TDRD7: variants seen among roughly 807,000 people sequenced by gnomAD.
TDRD7 encodes the protein tudor domain containing 7.
A neutral mutation model predicts 109.8 loss-of-function variants in TDRD7; 47 were observed. That is an observed-to-expected ratio of 0.43 (90% CI 0.34 to 0.55). The LOEUF (loss-of-function observed/expected upper bound fraction) is 0.55. Ranked by LOEUF, TDRD7 falls within the 20% of genes least tolerant of loss-of-function variation. The pLI, the probability that TDRD7 is intolerant of heterozygous loss-of-function variation, is 0.03. For missense variants in TDRD7, 1,164 were observed against 1,319.2 expected (o/e 0.88, Z 1.82); for synonymous variants, 424 against 457.3 (o/e 0.93, Z 0.93).
rs1035127712 is a variant in TDRD7 at position 97,412,398 on chromosome 9, C to T, written c.-7+160C>T. Among the ~76,000 whole-genome samples, 1 of 152,160 alleles carries T rather than the reference C, an allele frequency of 6.6e-6. No homozygotes were observed. Among genetic ancestry groups the T allele is most frequent in the Non-Finnish European group, 1.5e-5 (1 of 68,008 alleles). On this transcript the variant is annotated intron_variant, in intron 1 of 16. Transcript: ENST00000355295. This position sits in a 1 kb window ranked among gnomAD's most constrained non-coding sequence, Gnocchi z 4.3. The stretch of plus-strand genomic sequence containing the variant: ...TTTTCCCTGCAGCCGCAGGGGATTG[C>T]CCCCGCCCCGACGCCTGGGAACCGG...
chr9:97,460,151 G>C lies in TDRD7; in HGVS notation c.856-27G>C, dbSNP rs771686026. 2.5e-6 allele frequency: 4 copies of C among 1,593,994 alleles called. No individual in the cohort carries two copies. In the South Asian group the frequency reaches 4.4e-5, roughly 18 times the overall value. On this transcript the variant is annotated intron_variant, in intron 6 of 16. Coordinates refer to ENST00000355295, the MANE Select transcript of TDRD7 (RefSeq NM_014290.3). ...GTTGTTTATAGTCACTGAAATATCT[G>C]TCATTTGCTTTATTTAAAAATTTCA...
chr9:97,459,423 G>A (rs375334042), intron 6 of TDRD7, among the ~76,000 whole-genome samples: 1 of 152,220 alleles, frequency 6.6e-6, no homozygotes, highest in East Asian at 1.9e-4. Context: ...CCATGCTCTA[G>A]TAGTAGAGCT....
At chr9:97,465,254 C>G (rs1828802977) in intron 8 of TDRD7, among the ~76,000 whole-genome samples, 1 of 152,170 alleles carries the variant, frequency 6.6e-6, no homozygotes, top group Admixed American at 6.5e-5. Flanking sequence ...AATAAATTCC[C>G]CATGGGAGTA....
rs1325088085 is a variant in TDRD7, at chr9:97,460,297, A to C, written c.975A>C (p.Lys325Asn). ...CTCTATCCCCACTACCTGGTCCCAA[A>C]CAAACACCACCGTTGAAAGGGTGTC... is the stretch of plus-strand genomic sequence containing the variant. Reference protein sequence around the residue: ...KVPLSPLPGPKQTPPLKGCPT... With the variant: ...KVPLSPLPGPNQTPPLKGCPT... Residue 325 changes from lysine (K) to asparagine (N), a missense_variant, in exon 7 of 17, where the codon AAA becomes AAC. Physicochemically the swap from Lys to Asn is moderately conservative, Grantham distance 94 (BLOSUM62 0). Around this residue, in one of 5 missense-constraint regions of TDRD7, gnomAD observed 407 missense variants for 394.0 expected, o/e 1.03. Coordinates refer to ENST00000355295, the MANE Select transcript of TDRD7 (RefSeq NM_014290.3). 6.2e-7 allele frequency: 1 copy of C among 1,614,120 alleles called. No homozygotes were observed. Among genetic ancestry groups the C allele is most frequent in the Non-Finnish European group, 8.5e-7 (1 of 1,180,058 alleles).
At chr9:97,461,434 T>TC (rs527477843) in intron 7 of TDRD7, among the ~76,000 whole-genome samples, 20 of 152,210 alleles carry the variant, frequency 1.3e-4, no homozygotes, top group Non-Finnish European at 2.2e-4. Flanking sequence ...TAAAAATAGC[T>TC]CAGAGCTGCT....
At chr9:97,494,404 G>GAGC (rs1230734368) in intron 16 of TDRD7, among the ~76,000 whole-genome samples, 1 of 152,146 alleles carries the variant, frequency 6.6e-6, no homozygotes, top group Admixed American at 6.6e-5. Context: ...AGAAGAAAGG[G>GAGC]AGCCATACTG....
At chr9:97,416,073 A>C (rs538208824) in intron 1 of TDRD7, among the ~76,000 whole-genome samples, 1 of 152,222 alleles carries the variant, frequency 6.6e-6, no homozygotes, top group African/African-American at 2.4e-5. Context: ...ATTTGAATAC[A>C]ATCACATTTA....
At position 97,470,638 on chromosome 9, in the gene TDRD7, CTCATT is replaced by C; in HGVS notation, c.1714_1718del (p.Phe572SerfsTer5). The C allele has an allele frequency of 6.2e-7, 1 of 1,613,890 alleles. No individual in the cohort carries two copies. The highest frequency in any genetic ancestry group is 8.5e-7 in the Non-Finnish European group (1 of 1,179,910). Reference sequence around the variant, plus strand: ...AATTAAACCCGAAGTTTTGTTCACTCTCATTTCAAGCTACAAAATGTAAGCTTGCA... The same window carrying C: ...AATTAAACCCGAAGTTTTGTTCACTCTCAAGCTACAAAATGTAAGCTTGCA... On this transcript the variant is annotated frameshift_variant, in exon 9 of 17. Transcript: ENST00000355295. LOFTEE classifies it high-confidence loss of function.
At chr9:97,429,126 C>T (rs1197055448) in intron 2 of TDRD7, among the ~76,000 whole-genome samples, 1 of 152,210 alleles carries the variant, frequency 6.6e-6, no homozygotes, top group Non-Finnish European at 1.5e-5. Flanking sequence ...CATCACTTTT[C>T]ATAACTACCG....
At chr9:97,473,758 G>C (rs961358370) in intron 11 of TDRD7, 132 bp downstream of exon 11, 4 of 1,181,348 alleles carry the variant, frequency 3.4e-6, no homozygotes, top group African/African-American at 3.1e-5. Flanking sequence ...GGAATCTCTA[G>C]AATAGTAGGT....
chr9:97,420,577 A>G (rs987067101), intron 1 of TDRD7, among the ~76,000 whole-genome samples: 10 of 152,170 alleles, frequency 6.6e-5, no homozygotes, highest in African/African-American at 2.4e-4. Context: ...TTAGCATAAT[A>G]TAAGAGTCAT....
At chr9:97,428,737 C>CA in intron 2 of TDRD7, 65 bp downstream of exon 2, 2 of 1,437,164 alleles carry the variant, frequency 1.4e-6, no homozygotes, top group Non-Finnish European at 1.9e-6. Flanking sequence ...CTGGCACTTC[C>CA]AATCTCCTAC....
intron 6 of TDRD7, among the ~76,000 whole-genome samples, chr9:97,456,225 A>G (rs915554131): frequency 1.3e-5 from 2 of 152,252 alleles, no homozygotes; most frequent in Admixed American, 6.5e-5. Flanking sequence ...GGAAGAATCA[A>G]TATCATGAAA....
At chr9:97,467,454 C>T (rs1048184991) in intron 8 of TDRD7, among the ~76,000 whole-genome samples, 1 of 152,146 alleles carries the variant, frequency 6.6e-6, no homozygotes, top group African/African-American at 2.4e-5. Flanking sequence ...TATTTAACTT[C>T]CCTGATTGCT....
In TDRD7 at chr9:97,487,298, G is replaced by A. The variant is rs1829227786; in HGVS notation, c.3042G>A (p.Lys1014=). 6.2e-7 allele frequency: 1 copy of A among 1,613,878 alleles called. No individual in the cohort carries two copies. Among genetic ancestry groups the A allele is most frequent in the African/African-American group, 1.3e-5 (1 of 75,010 alleles). The change falls in exon 16 of 17, where the codon AAG becomes AAA. Residue 1014 remains lysine (K), a synonymous_variant. Coordinates refer to ENST00000355295, the MANE Select transcript of TDRD7 (RefSeq NM_014290.3). ...KVQPLVDMFR[K]LPFQAVTAQL... is the part of the protein sequence containing the mutation. ...AGCCCCTAGTGGACATGTTCCGAAAGCTGCCCTTCCAAGCAGTCACAGCTC... is the reference window on the plus strand; with the variant it reads ...AGCCCCTAGTGGACATGTTCCGAAAACTGCCCTTCCAAGCAGTCACAGCTC...
intron 1 of TDRD7, among the ~76,000 whole-genome samples, chr9:97,414,598 G>A (rs980023038): frequency 2.0e-5 from 3 of 152,060 alleles, no homozygotes; most frequent in East Asian, 1.9e-4. Flanking sequence ...GGGTTTTTTC[G>A]TCTAGTATGT....
chr9:97,460,237 G>A lies in TDRD7; in HGVS notation c.915G>A (p.Gln305=), dbSNP rs560342776. ...DLLLYPAKRK[Q]LLRSELDTEK... Reference sequence around the variant, plus strand: ...TTCTTTATCCAGCTAAGAGAAAGCAGCTTTTGAGAAGTGAACTGGATACTG... The same window carrying A: ...TTCTTTATCCAGCTAAGAGAAAGCAACTTTTGAGAAGTGAACTGGATACTG... The change falls in exon 7 of 17, where the codon CAG becomes CAA. Residue 305 remains glutamine (Q), a synonymous_variant. Transcript: ENST00000355295. 1.2e-6 allele frequency: 2 copies of A among 1,614,202 alleles called. No individual in the cohort carries two copies. Among genetic ancestry groups the A allele is most frequent in the African/African-American group, 1.3e-5 (1 of 75,046 alleles).
At chr9:97,457,226 A>C (rs1217086219) in intron 6 of TDRD7, among the ~76,000 whole-genome samples, 7 of 152,178 alleles carry the variant, frequency 4.6e-5, no homozygotes, top group African/African-American at 1.4e-4. Flanking sequence ...GTGGGAATGT[A>C]AATTAGTTCA....
chr9:97,476,940 C>T (rs1348571772), intron 12 of TDRD7, among the ~76,000 whole-genome samples: 6 of 152,008 alleles, frequency 3.9e-5, no homozygotes, highest in Non-Finnish European at 7.4e-5. Flanking sequence ...GTAATTATTG[C>T]TATTAATGTG....
Sources: gnomAD v4.1 joint callset for allele counts (sites outside exome capture counted in the v4.1 genomes callset) on GRCh38, gnomAD v4.1.1 for gene constraint, gnomAD v4.1.1 regional missense constraint, Gnocchi (gnomAD v3.1) non-coding constraint, MANE v1.5 for transcripts, NCBI Gene and HGNC (gene_info 2026-07-23, HGNC 2026-07-21) for gene names.